LMNTD1: variants seen among roughly 807,000 people sequenced by gnomAD.
The protein encoded by LMNTD1 is lamin tail domain containing 1.
Under a neutral mutation model 50.9 loss-of-function variants are expected in LMNTD1, and 35 were observed. The ratio of observed to expected loss-of-function variants is 0.69; its 90% CI spans 0.53 to 0.91. The LOEUF is 0.91. LMNTD1 is among the 40% of genes least tolerant of loss of function. LMNTD1 has a pLI of 0.00. For synonymous variants in LMNTD1, 153 were observed against 161.9 expected (o/e 0.94, Z 0.42); for missense variants, 470 against 475.5 (o/e 0.99, Z 0.11).
At chr12:25,608,439 A>G (rs986341551) in intron 1 of LMNTD1, among the ~76,000 whole-genome samples, 1 of 152,158 alleles carries the variant, frequency 6.6e-6, no homozygotes, top group Non-Finnish European at 1.5e-5. Flanking sequence ...GATGGTCTTT[A>G]CAATTTGGCA....
chr12:25,510,521 T>C (rs948874317), intron 8 of LMNTD1, among the ~76,000 whole-genome samples: 2 of 152,116 alleles, frequency 1.3e-5, no homozygotes, highest in African/African-American at 4.8e-5. Context: ...TTTATTTAAA[T>C]ATTGTTTCTG....
At chr12:25,563,713 C>G (rs1285778645) in intron 1 of LMNTD1, among the ~76,000 whole-genome samples, 1 of 152,192 alleles carries the variant, frequency 6.6e-6, no homozygotes, top group Non-Finnish European at 1.5e-5. Context: ...TTTCTGCTGC[C>G]TTTTGTTCAG....
At chr12:25,573,613 G>T (rs868536273) in intron 1 of LMNTD1, among the ~76,000 whole-genome samples, 1 of 152,084 alleles carries the variant, frequency 6.6e-6, no homozygotes, top group Non-Finnish European at 1.5e-5. Context: ...GCCCAGGTCC[G>T]TGATGCCTAT....
chr12:25,608,092 C>T (rs1946155881), intron 1 of LMNTD1, among the ~76,000 whole-genome samples: 1 of 152,056 alleles, frequency 6.6e-6, no homozygotes, highest in Admixed American at 6.6e-5. Context: ...TATGTAATGG[C>T]CTTCTTTGTC....
chr12:25,501,781 T>C (rs1939403086), intron 9 of LMNTD1, among the ~76,000 whole-genome samples: 1 of 152,142 alleles, frequency 6.6e-6, no homozygotes, highest in African/African-American at 2.4e-5. Context: ...AAACAAACAA[T>C]TGCCTCATCT....
In LMNTD1 at chr12:25,612,903, T is replaced by G. The variant is rs374899463; in HGVS notation, c.58+35591A>C. ...AAGGTGATCTCCTGCATTATCTGAGTGGGTCCTGTGATGTAGTCTCAAGTG... is the reference window on the plus strand; with the variant it reads ...AAGGTGATCTCCTGCATTATCTGAGGGGGTCCTGTGATGTAGTCTCAAGTG... On this transcript the variant is annotated intron_variant, in intron 1 of 7. Transcript: ENST00000445693. Among the ~76,000 whole-genome samples, 32 of 152,154 alleles carry G rather than the reference T, an allele frequency of 2.1e-4. 1 individual carries two copies. The South Asian group carries it at 6.2e-3, about 30-fold the overall frequency.
chr12:25,607,485 C>A (rs1272448746), intron 1 of LMNTD1, among the ~76,000 whole-genome samples: 2 of 152,122 alleles, frequency 1.3e-5, no homozygotes, highest in African/African-American at 4.8e-5. Context: ...CTATAAATTT[C>A]CCTCTACACA....
intron 1 of LMNTD1, among the ~76,000 whole-genome samples, chr12:25,615,530 G>T (rs1344120663): frequency 6.6e-6 from 1 of 151,576 alleles, no homozygotes; most frequent in East Asian, 1.9e-4. Context: ...GGCATGATCT[G>T]GGCTCACTGC....
intron 1 of LMNTD1, among the ~76,000 whole-genome samples, chr12:25,622,232 T>C (rs2136567689): frequency 1.3e-5 from 2 of 152,218 alleles, no homozygotes; most frequent in East Asian, 3.9e-4. Context: ...TGGTATTGCC[T>C]TGTATGATAA....
chr12:25,574,587 T>G (rs1944925628), intron 1 of LMNTD1, among the ~76,000 whole-genome samples: 1 of 152,210 alleles, frequency 6.6e-6, no homozygotes, highest in Non-Finnish European at 1.5e-5. Flanking sequence ...ATAAAGTATT[T>G]TCTGATTCTC....
chr12:25,614,302 G>A (rs2136544893), intron 1 of LMNTD1, among the ~76,000 whole-genome samples: 1 of 152,050 alleles, frequency 6.6e-6, no homozygotes, highest in African/African-American at 2.4e-5. Flanking sequence ...CACCAGCCCT[G>A]GAGATTTCTA....
At chr12:25,498,479 CAACTGTAG>C (rs1358439861) in intron 9 of LMNTD1, among the ~76,000 whole-genome samples, 2 of 152,098 alleles carry the variant, frequency 1.3e-5, no homozygotes, top group African/African-American at 2.4e-5. Flanking sequence ...AGACAGATTC[CAACTGTAG>C]AGAATCAGAC....
intron 1 of LMNTD1, among the ~76,000 whole-genome samples, chr12:25,623,313 G>A (rs559123737): frequency 2.0e-5 from 3 of 152,002 alleles, no homozygotes; most frequent in Admixed American, 1.3e-4. Flanking sequence ...ACTTTAGGAG[G>A]CCAAAGTGAG....
intron 9 of LMNTD1, among the ~76,000 whole-genome samples, chr12:25,485,317 C>A (rs1053821380): frequency 5.5e-5 from 8 of 146,564 alleles, no homozygotes; most frequent in Non-Finnish European, 1.0e-4. Flanking sequence ...TGAGAAGTGT[C>A]TGTTCATATC....
At chr12:25,502,421 G>A (rs1565944226) in intron 9 of LMNTD1, among the ~76,000 whole-genome samples, 1 of 152,166 alleles carries the variant, frequency 6.6e-6, no homozygotes, top group Non-Finnish European at 1.5e-5. Flanking sequence ...ACAACTGAAG[G>A]AAATTGATCA....
In LMNTD1 at chr12:25,551,305, T is replaced by G. The variant is rs1943731404; in HGVS notation, c.89+1566A>C. Among the ~76,000 whole-genome samples the G allele has an allele frequency of 2.6e-5, 4 of 152,238 alleles. 1 individual carries two copies. In the South Asian group the frequency reaches 8.3e-4, roughly 32 times the overall value. ...TTCCACAGAAGACTCCCAAGAAGGC[T>G]TAACAAAATCTTTGCAATCACAGAA... is the stretch of plus-strand genomic sequence containing the variant. On this transcript the variant is annotated intron_variant, in intron 2 of 9. Transcript: ENST00000458174.
intron 1 of LMNTD1, among the ~76,000 whole-genome samples, chr12:25,559,004 T>G (rs919016379): frequency 2.6e-5 from 4 of 151,944 alleles, no homozygotes; most frequent in Non-Finnish European, 5.9e-5. Context: ...TTTAGAATGC[T>G]AATCCCCCAA....
intron 1 of LMNTD1, among the ~76,000 whole-genome samples, chr12:25,596,193 G>A (rs1156799620): frequency 1.3e-5 from 2 of 152,104 alleles, no homozygotes; most frequent in East Asian, 3.9e-4. Context: ...CCAGAAGATA[G>A]AAAAAGAGGG....
intron 1 of LMNTD1, among the ~76,000 whole-genome samples, chr12:25,620,267 T>G (rs2136562344): frequency 6.6e-6 from 1 of 152,290 alleles, no homozygotes; most frequent in East Asian, 1.9e-4. Flanking sequence ...AAAAAAGGCC[T>G]TTTTTAATGT....
Sources: gnomAD v4.1 joint callset for allele counts (sites outside exome capture counted in the v4.1 genomes callset) on GRCh38, gnomAD v4.1.1 for gene constraint, MANE v1.5 for transcripts, NCBI Gene and HGNC (gene_info 2026-07-23, HGNC 2026-07-21) for gene names.